The following TLCD4 variants were observed in gnomAD, a reference collection of about 807,000 sequenced individuals.
The protein encoded by TLCD4 is TLC domain-containing protein 4.
TLCD4 carries 7 observed loss-of-function variants against 24.2 expected under a neutral mutation model. The observed-to-expected ratio is 0.29, with a 90% CI of 0.16 to 0.54. The LOEUF is 0.54. TLCD4 is among the 20% of genes least tolerant of loss of function. The pLI is 0.95. For synonymous variants in TLCD4, 103 were observed against 106.4 expected (o/e 0.97, Z 0.20); for missense variants, 259 against 313.9 (o/e 0.82, Z 1.32).
At chr1:95,104,591 G>C in the TLCD4 span, among the ~76,000 whole-genome samples, 6 of 146,910 alleles carry the variant, frequency 4.1e-5, no homozygotes, top group South Asian at 1.1e-3. Flanking sequence ...CATGAACTCC[G>C]GGGGGCGGAG....
At chr1:95,133,567 G>C (rs1327303502) in intron 1 of TLCD4, among the ~76,000 whole-genome samples, 1 of 152,134 alleles carries the variant, frequency 6.6e-6, no homozygotes, top group East Asian at 1.9e-4. Context: ...TGGTAGTGTG[G>C]GATATTGAAC....
chr1:95,101,342 C>A, the TLCD4 span, among the ~76,000 whole-genome samples: 1 of 151,648 alleles, frequency 6.6e-6, no homozygotes, highest in South Asian at 2.1e-4. Flanking sequence ...CAGTCTGAAA[C>A]TCACTGCAGT....
chr1:95,191,796 T>A lies in TLCD4; in HGVS notation c.720T>A (p.Gly240=). ...TGTGGATGATCAAAATTTCAAAAGG[T>A]TGCATCAAAGTCATCTCTCACATCA... The part of the protein sequence containing the change: ...NVMWMIKISK[G]CIKVISHIRQ... The change falls in exon 7 of 7, where the codon GGT becomes GGA. Residue 240 remains glycine, a synonymous_variant. Coordinates refer to ENST00000370203, the MANE Select transcript of TLCD4 (RefSeq NM_152487.3). The A allele has an allele frequency of 6.2e-7, 1 of 1,614,140 alleles. No individual in the cohort carries two copies. The highest frequency in any genetic ancestry group is 2.2e-5 in the East Asian group (1 of 44,862).
chr1:95,163,054 G>A (rs1300955655), intron 5 of TLCD4, among the ~76,000 whole-genome samples: 6 of 151,388 alleles, frequency 4.0e-5, no homozygotes, highest in African/African-American at 1.5e-4. Context: ...GGCCTGCCTT[G>A]CTAGGTTGGG....
Position 95,131,052 on chromosome 1 carries a change from CTG to C in TLCD4, c.-11-12837_-11-12836del, listed in dbSNP as rs1216515846. Among the ~76,000 whole-genome samples the C allele has an allele frequency of 3.3e-5, 5 of 152,246 alleles. No homozygotes were observed. In the South Asian group the frequency reaches 6.2e-4, roughly 19 times the overall value. ...TGTAAGAGTATGTCTGTTATTATAA[CTG>C]TTTTATTTAACATATTTATTGAGCA... On this transcript the variant is annotated intron_variant, in intron 1 of 6. Coordinates refer to ENST00000370203, the MANE Select transcript of TLCD4 (RefSeq NM_152487.3).
chr1:95,188,611 T>C (rs2101023957), intron 6 of TLCD4, among the ~76,000 whole-genome samples: 1 of 152,274 alleles, frequency 6.6e-6, no homozygotes, highest in South Asian at 2.1e-4. Context: ...TTTTATACTT[T>C]AGGTTATAAT....
At chr1:95,160,500 C>A (rs1312724330) in intron 5 of TLCD4, among the ~76,000 whole-genome samples, 1 of 152,158 alleles carries the variant, frequency 6.6e-6, no homozygotes, top group Non-Finnish European at 1.5e-5. Context: ...CGCTTTATTT[C>A]TTTCTCCTGC....
chr1:95,116,364 C>A (rs1157943363), upstream of TLCD4, among the ~76,000 whole-genome samples: 1 of 152,062 alleles, frequency 6.6e-6, no homozygotes, highest in Non-Finnish European at 1.5e-5. Flanking sequence ...CTTATATGAG[C>A]TTTTGTGTAT....
At chr1:95,174,807 G>A (rs1032049786) in intron 6 of TLCD4, among the ~76,000 whole-genome samples, 2 of 151,912 alleles carry the variant, frequency 1.3e-5, no homozygotes, top group African/African-American at 2.4e-5. Context: ...ATGGAGTCTC[G>A]CTTTGTTGCC....
intron 1 of TLCD4, among the ~76,000 whole-genome samples, chr1:95,141,509 A>ATT (rs1343844924): frequency 6.6e-6 from 1 of 151,778 alleles, no homozygotes; most frequent in Middle Eastern, 3.4e-3. Flanking sequence ...TACTGATTAT[A>ATT]TTTTTTTTCC....
At chr1:95,185,090 C>T (rs1678783866) in intron 6 of TLCD4, among the ~76,000 whole-genome samples, 1 of 151,344 alleles carries the variant, frequency 6.6e-6, no homozygotes, top group African/African-American at 2.4e-5. Context: ...ATGTAACTGA[C>T]TAATTTCTTT....
At chr1:95,177,299 A>T (rs1678467014) in intron 6 of TLCD4, among the ~76,000 whole-genome samples, 1 of 151,872 alleles carries the variant, frequency 6.6e-6, no homozygotes, top group Non-Finnish European at 1.5e-5. Flanking sequence ...TTTAAGTCTT[A>T]GTCAAAATCT....
chr1:95,135,201 C>G (rs2100922237), intron 1 of TLCD4, among the ~76,000 whole-genome samples: 1 of 152,234 alleles, frequency 6.6e-6, no homozygotes, highest in East Asian at 1.9e-4. Flanking sequence ...GACCCCAAAT[C>G]TTGTTTGCAG....
At chr1:95,152,825 T>C (rs1677530325) in intron 5 of TLCD4, among the ~76,000 whole-genome samples, 1 of 152,114 alleles carries the variant, frequency 6.6e-6, no homozygotes, top group Non-Finnish European at 1.5e-5. Context: ...TCTCTTATTC[T>C]AAGAGAAATG....
intron 1 of TLCD4, among the ~76,000 whole-genome samples, chr1:95,138,952 C>G (rs936178994): frequency 1.4e-5 from 2 of 146,862 alleles, no homozygotes; most frequent in Admixed American, 1.4e-4. Flanking sequence ...GTTTGGGAGG[C>G]TGAGGTGGGA....
intron 5 of TLCD4, among the ~76,000 whole-genome samples, chr1:95,167,811 G>A (rs1047052520): frequency 1.3e-5 from 2 of 152,092 alleles, no homozygotes; most frequent in Admixed American, 6.6e-5. Flanking sequence ...TTAATGTAAC[G>A]CTCCCTTTCG....
In TLCD4 at chr1:95,150,379, T is replaced by C. The variant is rs1677462135; in HGVS notation, c.304+113T>C. On this transcript the variant is annotated intron_variant, in intron 4 of 6. Transcript: ENST00000370203. ...TTTGAGAGATAGCATTTAGGAAGCA[T>C]ACAGAGGAAAAAAATACCTCCCATG... 3.7e-6 allele frequency: 5 copies of C among 1,366,966 alleles called. No individual in the cohort carries two copies. In the East Asian group the frequency reaches 1.2e-4, roughly 34 times the overall value. The allele number at this position is 1,366,966 out of a possible 1,614,324, so 84.7% of individuals were successfully genotyped here. A position where few individuals can be genotyped will look rare whatever the true frequency, so the allele number is the denominator to read the frequency against.
At chr1:95,190,626 T>C (rs980979194) in intron 6 of TLCD4, among the ~76,000 whole-genome samples, 3 of 151,554 alleles carry the variant, frequency 2.0e-5, no homozygotes, top group Non-Finnish European at 2.9e-5. Flanking sequence ...TGCGCCTGGC[T>C]GGCCAGGCTG....
intron 6 of TLCD4, among the ~76,000 whole-genome samples, chr1:95,181,813 G>A (rs759337270): frequency 6.6e-6 from 1 of 151,942 alleles, no homozygotes; most frequent in Non-Finnish European, 1.5e-5. Flanking sequence ...TACAGACTGG[G>A]TTTCACTATG....
Sources: gnomAD v4.1 joint callset for allele counts (sites outside exome capture counted in the v4.1 genomes callset) on GRCh38, gnomAD v4.1.1 for gene constraint, MANE v1.5 for transcripts, NCBI Gene and HGNC (gene_info 2026-07-23, HGNC 2026-07-21) for gene names.